The following PPM1B variants were observed in gnomAD, a reference collection of about 807,000 sequenced individuals.
PPM1B encodes the protein protein phosphatase 1B.
PPM1B carries 22 observed loss-of-function variants against 43.0 expected under a neutral mutation model. That is an observed-to-expected ratio of 0.51 (90% CI 0.37 to 0.73). The LOEUF (loss-of-function observed/expected upper bound fraction) is 0.73. Among genes scored for constraint, PPM1B ranks in the 30% least tolerant of loss-of-function variants. The pLI is 0.00. For missense variants in PPM1B, 632 were observed against 584.2 expected (o/e 1.08, Z -0.84); for synonymous variants, 217 against 197.9 (o/e 1.10, Z -0.81).
At chr2:44,209,430 T>C in intron 3 of PPM1B, 103 bp downstream of exon 3, 1 of 1,183,696 alleles carries the variant, frequency 8.4e-7, no homozygotes, top group South Asian at 1.9e-5. Flanking sequence ...AGGCTCTGTC[T>C]CAAAAAAAAA....
intron 2 of PPM1B, among the ~76,000 whole-genome samples, chr2:44,208,719 GTAA>G (rs1669311351): frequency 6.6e-6 from 1 of 152,150 alleles, no homozygotes; most frequent in Non-Finnish European, 1.5e-5. Flanking sequence ...GTCTCAAATA[GTAA>G]TAATAATAAT....
chr2:44,189,640 T>A (rs1046631746), intron 1 of PPM1B, among the ~76,000 whole-genome samples: 1 of 152,098 alleles, frequency 6.6e-6, no homozygotes, highest in Non-Finnish European at 1.5e-5. Context: ...ATTTTTTGTA[T>A]TTTTAGTAGA....
chr2:44,207,782 C>T (rs1669257518), intron 2 of PPM1B, among the ~76,000 whole-genome samples: 1 of 151,830 alleles, frequency 6.6e-6, no homozygotes, highest in Admixed American at 6.6e-5. Context: ...AAGGTTTTGC[C>T]ATGATGCCCA....
chr2:44,237,568 C>T (rs1670652579), downstream of PPM1B, among the ~76,000 whole-genome samples: 1 of 152,104 alleles, frequency 6.6e-6, no homozygotes, highest in South Asian at 2.1e-4. Flanking sequence ...ATCCACAACT[C>T]CAGTGGGACA....
At chr2:44,244,406 T>G (rs1430508324), downstream of PPM1B, 2 of 1,293,358 alleles carry the variant, frequency 1.5e-6, no homozygotes, top group Non-Finnish European at 2.1e-6. Context: ...GCTGTTAACC[T>G]TTAATCTTAT....
Position 44,230,322 on chromosome 2 carries a change from G to T in PPM1B, c.1135-91G>T, listed in dbSNP as rs1670412943. 6.5e-7 allele frequency: 1 copy of T among 1,533,820 alleles called. No individual in the cohort carries two copies. The highest frequency in any genetic ancestry group is 2.3e-5 in the East Asian group (1 of 44,392). The stretch of plus-strand genomic sequence containing the variant: ...GCTTAGACTATATTACTTTTCGGTA[G>T]AGAAATTAGTATTTTGCTGTAATGT... On this transcript the variant is annotated intron_variant, in intron 5 of 5. Transcript: ENST00000282412.
intron 1 of PPM1B, among the ~76,000 whole-genome samples, chr2:44,185,659 A>C (rs1360015363): frequency 3.9e-5 from 6 of 152,192 alleles, no homozygotes; most frequent in Non-Finnish European, 8.8e-5. Flanking sequence ...TGATTTACTG[A>C]ATAAATTTGT....
intron 1 of PPM1B, among the ~76,000 whole-genome samples, chr2:44,191,037 T>C (rs888074102): frequency 3.3e-5 from 5 of 152,222 alleles, no homozygotes; most frequent in Admixed American, 3.3e-4. Flanking sequence ...TTCAAATTGA[T>C]CTCAGAGGCA....
chr2:44,200,415 T>C (rs1668879708), intron 1 of PPM1B, among the ~76,000 whole-genome samples: 1 of 152,224 alleles, frequency 6.6e-6, no homozygotes, highest in African/African-American at 2.4e-5. Flanking sequence ...ATAGTAGTAC[T>C]TTCCAATTCT....
chr2:44,216,712 G>A (rs1669735024), intron 3 of PPM1B, among the ~76,000 whole-genome samples: 2 of 152,116 alleles, frequency 1.3e-5, no homozygotes, highest in Admixed American at 6.5e-5. Context: ...TGGATCACGA[G>A]GTCAGGAATT....
At chr2:44,241,984 G>C (rs1246128778) in intron 5 of PPM1B, among the ~76,000 whole-genome samples, 1 of 141,454 alleles carries the variant, frequency 7.1e-6, no homozygotes, top group African/African-American at 2.6e-5. Context: ...CCAGCCTTCC[G>C]AGTAGCTGGG....
chr2:44,225,457 A>G (rs1376617324), intron 5 of PPM1B, among the ~76,000 whole-genome samples: 1 of 152,234 alleles, frequency 6.6e-6, no homozygotes, highest in Non-Finnish European at 1.5e-5. Context: ...GAAAAATCAA[A>G]TATAATGGCT....
At chr2:44,192,017 C>G (rs146366329) in intron 1 of PPM1B, among the ~76,000 whole-genome samples, 507 of 149,678 alleles carry the variant, frequency 3.4e-3, no homozygotes, top group African/African-American at 0.012. Flanking sequence ...GATCCTGCAG[C>G]TTTCTTAGTT....
Position 44,202,025 on chromosome 2 carries a change from G to A in PPM1B, c.826G>A (p.Val276Met), listed in dbSNP as rs758649056. 2 of 1,583,336 alleles carry A rather than the reference G, an allele frequency of 1.3e-6. No homozygotes were observed. Among genetic ancestry groups the A allele is most frequent in the Non-Finnish European group, 1.7e-6 (2 of 1,165,488 alleles). Residue 276 changes from valine to methionine, a missense_variant, in exon 2 of 6, where the codon GTG (valine) becomes ATG (methionine). Val to Met is a conservative substitution (Grantham distance 21, BLOSUM62 1). Around this residue, in one of 3 missense-constraint regions of PPM1B, gnomAD observed 392 missense variants for 302.7 expected, o/e 1.29. Transcript: ENST00000282412. Reference protein sequence around the residue: ...DDLENVCNWVVDTCLHKGSRD... With the variant: ...DDLENVCNWVMDTCLHKGSRD... Reference sequence around the variant, plus strand: ...CCTGGAAAATGTGTGCAATTGGGTAGTGGACACTTGTTTACACAAGGTATG... The same window carrying A: ...CCTGGAAAATGTGTGCAATTGGGTAATGGACACTTGTTTACACAAGGTATG...
chr2:44,210,560 A>G lies in PPM1B; in HGVS notation c.964+1233A>G, dbSNP rs545860307. Among the ~76,000 whole-genome samples the G allele has an allele frequency of 5.3e-5, 8 of 152,212 alleles. No homozygotes were observed. In the Middle Eastern group the frequency reaches 0.01, roughly 194 times the overall value. On this transcript the variant is annotated intron_variant, in intron 3 of 5. Transcript: ENST00000282412. ...TACAGAAAAGTTGCAGAAGTATTAC[A>G]GGATCTCCCATGTACATGTAGTGTC...
intron 1 of PPM1B, among the ~76,000 whole-genome samples, chr2:44,186,444 C>G (rs1668119938): frequency 6.6e-6 from 1 of 152,224 alleles, no homozygotes; most frequent in Admixed American, 6.5e-5. Flanking sequence ...TCTCAGCTCA[C>G]TGCACCCTCC....
At chr2:44,226,735 C>CTTTTTT (rs60750702) in intron 5 of PPM1B, among the ~76,000 whole-genome samples, 169 of 66,626 alleles carry the variant, frequency 2.5e-3, no homozygotes, top group East Asian at 3.3e-3. Flanking sequence ...AGGTTTTTAT[C>CTTTTTT]TTTTTTTTTT....
In PPM1B at chr2:44,209,347, A is replaced by G. The variant is rs1156883051; in HGVS notation, c.964+20A>G. The G allele has an allele frequency of 1.2e-6, 2 of 1,613,376 alleles. No homozygotes were observed. The highest frequency in any genetic ancestry group is 1.7e-5 in the Admixed American group (1 of 59,922). On this transcript the variant is annotated intron_variant, in intron 3 of 5. Transcript: ENST00000282412. ...TTGAAGGTAAGACAAATGCTTTTTAAAAATATAGACAGGCCAGGCACGGTA... is the reference window on the plus strand; with the variant it reads ...TTGAAGGTAAGACAAATGCTTTTTAGAAATATAGACAGGCCAGGCACGGTA...
intron 5 of PPM1B, among the ~76,000 whole-genome samples, chr2:44,241,546 G>A (rs2104295292): frequency 7.0e-6 from 1 of 142,636 alleles, no homozygotes; most frequent in South Asian, 2.5e-4. Context: ...AGCCTGGCCA[G>A]CATGGTGAAA....
Sources: allele counts gnomAD v4.1 joint callset (sites outside exome capture counted in the v4.1 genomes callset), GRCh38; gene constraint gnomAD v4.1.1; regional missense constraint gnomAD v4.1.1; transcripts MANE v1.5; gene names NCBI Gene and HGNC (gene_info 2026-07-23, HGNC 2026-07-21).